Variants in OR51B5 observed in about 807,000 individuals in gnomAD.
The protein encoded by OR51B5 is olfactory receptor family 51 subfamily B member 5.
For synonymous variants in OR51B5, 186 were observed against 144.8 expected, an observed-to-expected ratio of 1.28 and a Z score of -2.04; for missense variants, 456 against 374.6, an observed-to-expected ratio of 1.22 and a Z score of -1.79.
At chr11:5,362,379 T>A (rs570699289) in intron 1 of OR51B5, among the ~76,000 whole-genome samples, 1 of 152,344 alleles carries the variant, frequency 6.6e-6, no homozygotes, top group South Asian at 2.1e-4. Flanking sequence ...ATTTAGTGTA[T>A]TTGTAGATCA....
chr11:5,368,146 A>C (rs1301938977), intron 1 of OR51B5, among the ~76,000 whole-genome samples: 1 of 152,230 alleles, frequency 6.6e-6, no homozygotes, highest in Non-Finnish European at 1.5e-5. Flanking sequence ...TCAACCAATA[A>C]CTTAACTATG....
At chr11:5,464,532 T>C (rs560989493) in intron 1 of OR51B5, among the ~76,000 whole-genome samples, 117 of 150,128 alleles carry the variant, frequency 7.8e-4, no homozygotes, top group Non-Finnish European at 1.1e-3. Context: ...TGAGAATATG[T>C]GGTGTTTGGT....
At chr11:5,446,388 T>C (rs1168466990) in intron 1 of OR51B5, among the ~76,000 whole-genome samples, 1 of 152,184 alleles carries the variant, frequency 6.6e-6, no homozygotes, top group Non-Finnish European at 1.5e-5. Flanking sequence ...TGAAATTCTT[T>C]CAAGTTTTCT....
At chr11:5,389,986 G>A in intron 1 of OR51B5, 1 of 1,612,708 alleles carries the variant, frequency 6.2e-7, no homozygotes, top group African/African-American at 1.3e-5. Context: ...ACCAGGAAGT[G>A]ATACAGCTGG....
At chr11:5,490,849 T>C (rs1851570663) in intron 1 of OR51B5, among the ~76,000 whole-genome samples, 1 of 152,188 alleles carries the variant, frequency 6.6e-6, no homozygotes, top group East Asian at 1.9e-4. Context: ...TATTATAATC[T>C]CAGGAACAAA....
At chr11:5,458,761 T>C (rs1446309410) in intron 1 of OR51B5, among the ~76,000 whole-genome samples, 1 of 152,214 alleles carries the variant, frequency 6.6e-6, no homozygotes, top group Non-Finnish European at 1.5e-5. Flanking sequence ...TCAACTTGGA[T>C]GTTATTGATA....
At chr11:5,422,278 C>A (rs1320943881) in intron 1 of OR51B5, 1 of 1,614,164 alleles carries the variant, frequency 6.2e-7, no homozygotes, top group Non-Finnish European at 8.5e-7. Context: ...AGGCCTCCCA[C>A]ATCTGGATCT....
intron 1 of OR51B5, among the ~76,000 whole-genome samples, chr11:5,467,964 A>T (rs1408353454): frequency 6.6e-6 from 1 of 152,094 alleles, no homozygotes; most frequent in African/African-American, 2.4e-5. Context: ...CATGTGTTGT[A>T]TGGTTTCTAT....
chr11:5,395,934 T>G (rs1849863398), intron 1 of OR51B5, among the ~76,000 whole-genome samples: 1 of 152,254 alleles, frequency 6.6e-6, no homozygotes, highest in African/African-American at 2.4e-5. Context: ...TATTGAGTAT[T>G]TGCTTCTAAC....
At chr11:5,405,185 A>G (rs999677537) in intron 1 of OR51B5, among the ~76,000 whole-genome samples, 5 of 152,182 alleles carry the variant, frequency 3.3e-5, no homozygotes, top group Admixed American at 2.6e-4. Context: ...TATACTAAGA[A>G]CTTTATTATT....
At chr11:5,363,053 A>G (rs1465701128) in intron 1 of OR51B5, among the ~76,000 whole-genome samples, 1 of 151,498 alleles carries the variant, frequency 6.6e-6, no homozygotes, top group African/African-American at 2.4e-5. Context: ...AGGAAATGCA[A>G]GTGTTGTAAA....
chr11:5,432,003 G>C (rs1024058433), intron 1 of OR51B5, among the ~76,000 whole-genome samples: 1 of 152,164 alleles, frequency 6.6e-6, no homozygotes, highest in Non-Finnish European at 1.5e-5. Flanking sequence ...CACCTTGAGT[G>C]CTTATTACTT....
intron 1 of OR51B5, among the ~76,000 whole-genome samples, chr11:5,414,935 T>C (rs1378948663): frequency 2.0e-5 from 3 of 152,158 alleles, no homozygotes; most frequent in African/African-American, 4.8e-5. Flanking sequence ...CTAATAAACA[T>C]CTACAGAACT....
At chr11:5,422,382 T>G (rs752772366) in intron 1 of OR51B5, 1 of 1,614,174 alleles carries the variant, frequency 6.2e-7, no homozygotes, top group East Asian at 2.2e-5. Context: ...CACCAGCGCA[T>G]GTATCTGTTT....
chr11:5,477,322 G>A (rs571606214), intron 1 of OR51B5, among the ~76,000 whole-genome samples: 4 of 152,256 alleles, frequency 2.6e-5, no homozygotes, highest in East Asian at 3.9e-4. Flanking sequence ...GAGCACAGAG[G>A]TGCACTTGGA....
At chr11:5,447,410 C>T (rs1850782302) in intron 1 of OR51B5, among the ~76,000 whole-genome samples, 1 of 152,156 alleles carries the variant, frequency 6.6e-6, no homozygotes, top group African/African-American at 2.4e-5. Flanking sequence ...GTTCTAGTAA[C>T]CCCACCTTTG....
At chr11:5,390,643 T>C in intron 1 of OR51B5, 2 of 402,326 alleles carry the variant, frequency 5.0e-6, no homozygotes, top group Non-Finnish European at 8.8e-6. Context: ...AAGGTCATCA[T>C]CAATGTAACT....
upstream of OR51B5, chr11:5,343,768 T>G (rs1411479470): frequency 2.6e-6 from 1 of 390,658 alleles, no homozygotes; most frequent in Non-Finnish European, 4.5e-6. Flanking sequence ...GAGTTTCAAC[T>G]GTTTATATGC....
chr11:5,342,878 T>C (rs759204263), exon 1 of OR51B5: 17 of 1,612,980 alleles, frequency 1.1e-5, no homozygotes, highest in Non-Finnish European at 1.3e-5. Flanking sequence ...TATCAACACA[T>C]AGGAGATGAA....
Sources: gnomAD v4.1 joint callset for allele counts (sites outside exome capture counted in the v4.1 genomes callset) on GRCh38, gnomAD v4.1.1 for gene constraint, MANE v1.5 for transcripts, NCBI Gene and HGNC (gene_info 2026-07-23, HGNC 2026-07-21) for gene names.